The following GFPT1 variants were observed in gnomAD, a reference collection of about 807,000 sequenced individuals.
The protein encoded by GFPT1 is glutamine--fructose-6-phosphate aminotransferase [isomerizing] 1.
A neutral mutation model predicts 92.0 loss-of-function variants in GFPT1; 40 were observed. That is an observed-to-expected ratio of 0.43 (90% CI 0.34 to 0.57). The LOEUF (loss-of-function observed/expected upper bound fraction) is 0.57. Ranked by LOEUF, GFPT1 falls within the 20% of genes least tolerant of loss-of-function variation. The probability of loss-of-function intolerance (pLI) is 0.02; values close to 1 mark genes in which losing one functional copy is unlikely to be tolerated. For missense variants in GFPT1, 448 were observed against 869.1 expected (o/e 0.52, Z 6.09); for synonymous variants, 269 against 280.6 (o/e 0.96, Z 0.41).
chr2:69,335,216 C>G (rs944111508), intron 15 of GFPT1, among the ~76,000 whole-genome samples: 1 of 151,918 alleles, frequency 6.6e-6, no homozygotes, highest in African/African-American at 2.4e-5. Flanking sequence ...TCTGATGCCT[C>G]GGCTGGTCTT....
intron 15 of GFPT1, among the ~76,000 whole-genome samples, chr2:69,331,101 C>G (rs1670652512): frequency 6.6e-6 from 1 of 152,144 alleles, no homozygotes; most frequent in Non-Finnish European, 1.5e-5. Context: ...TTCTTACTAA[C>G]TTTATGTGAC....
chr2:69,331,894 T>C (rs972892875), intron 15 of GFPT1, among the ~76,000 whole-genome samples: 1 of 152,202 alleles, frequency 6.6e-6, no homozygotes, highest in Admixed American at 6.5e-5. Context: ...AAGGTAGTTA[T>C]TGTTATGTCT....
At chr2:69,384,629 G>GGCTGCAGTGAGCCAAGATCATGCC (rs1157340307) in intron 1 of GFPT1, among the ~76,000 whole-genome samples, 24 of 145,524 alleles carry the variant, frequency 1.6e-4, no homozygotes, top group African/African-American at 6.2e-4. Context: ...CGGAGACAGA[G>GGCTGCAGTGAGCCAAGATCATGCC]GCTGCAGTGA....
At chr2:69,379,349 C>A (rs1225382873) in intron 1 of GFPT1, among the ~76,000 whole-genome samples, 3 of 152,062 alleles carry the variant, frequency 2.0e-5, no homozygotes, top group Non-Finnish European at 4.4e-5. Context: ...TACAGGGAGA[C>A]CCTGCCTCTA....
chr2:69,325,168 C>T lies in GFPT1; in HGVS notation c.*1021G>A, dbSNP rs1384342348. ...TCTTCCAAACAATTGCAAGTAACTT[C>T]CAAACTGGCACTAAGGGACTAGTTT... On this transcript the variant is annotated 3_prime_UTR_variant, in exon 20 of 20. Transcript: ENST00000357308. 1 of 152,094 alleles carries T rather than the reference C, an allele frequency of 6.6e-6. No individual in the cohort carries two copies. Among genetic ancestry groups the T allele is most frequent in the African/African-American group, 2.4e-5 (1 of 41,424 alleles). The allele number at this position is 152,094 out of a possible 1,614,324, so 9.4% of individuals were successfully genotyped here.
chr2:69,377,163 G>A (rs1207443326), intron 1 of GFPT1, among the ~76,000 whole-genome samples: 3 of 138,294 alleles, frequency 2.2e-5, no homozygotes, highest in Admixed American at 7.7e-5. Context: ...AGCTGAGATC[G>A]TGCCACTGCA....
At chr2:69,368,754 T>G (rs888626781) in intron 3 of GFPT1, among the ~76,000 whole-genome samples, 26 of 151,320 alleles carry the variant, frequency 1.7e-4, no homozygotes, top group African/African-American at 6.1e-4. Flanking sequence ...AAAAAAAAAG[T>G]TGACCACGAA....
intron 3 of GFPT1, among the ~76,000 whole-genome samples, chr2:69,369,328 C>G (rs1399238801): frequency 6.6e-6 from 1 of 152,026 alleles, no homozygotes; most frequent in Non-Finnish European, 1.5e-5. Context: ...TGAGTAGGTA[C>G]ATAAAATACT....
intron 4 of GFPT1, among the ~76,000 whole-genome samples, chr2:69,359,779 A>AG (rs1671423359): frequency 6.6e-6 from 1 of 152,232 alleles, no homozygotes; most frequent in African/African-American, 2.4e-5. Context: ...AATCTGATTT[A>AG]CACTAAATGA....
At chr2:69,344,010 C>T (rs1467074494) in intron 12 of GFPT1, among the ~76,000 whole-genome samples, 1 of 152,052 alleles carries the variant, frequency 6.6e-6, no homozygotes, top group Non-Finnish European at 1.5e-5. Flanking sequence ...CAGGCCACAC[C>T]AGCCAGACTG....
At chr2:69,377,810 A>G (rs372138982) in intron 1 of GFPT1, among the ~76,000 whole-genome samples, 40 of 152,344 alleles carry the variant, frequency 2.6e-4, no homozygotes, top group African/African-American at 9.4e-4. Context: ...TACTAGCCCA[A>G]GACATTCCAC....
chr2:69,376,181 T>C (rs914231724), intron 1 of GFPT1, among the ~76,000 whole-genome samples: 1 of 152,224 alleles, frequency 6.6e-6, no homozygotes, highest in East Asian at 1.9e-4. Flanking sequence ...TAAAAGACAA[T>C]ACACAGCACA....
chr2:69,358,505 T>A, intron 5 of GFPT1, 42 bp from the exon 6 acceptor site: 2 of 1,387,628 alleles, frequency 1.4e-6, no homozygotes, highest in Non-Finnish European at 2.0e-6. Flanking sequence ...AAAGAAATAT[T>A]AATGATAAAA....
intron 17 of GFPT1, 94 bp downstream of exon 17, chr2:69,329,203 T>C: frequency 7.9e-7 from 1 of 1,265,906 alleles, no homozygotes; most frequent in Non-Finnish European, 1.2e-6. Context: ...CTTTCAAAAG[T>C]TCTACCTATT....
intron 1 of GFPT1, among the ~76,000 whole-genome samples, chr2:69,382,458 C>T (rs375774510): frequency 3.3e-5 from 5 of 152,182 alleles, no homozygotes; most frequent in African/African-American, 1.2e-4. Context: ...TTACTTGCAG[C>T]CCTCCTCCTA....
At chr2:69,366,660 A>AT (rs1671618615) in intron 3 of GFPT1, among the ~76,000 whole-genome samples, 1 of 152,158 alleles carries the variant, frequency 6.6e-6, no homozygotes, top group African/African-American at 2.4e-5. Flanking sequence ...CCTACCTGCA[A>AT]TCCCTCAATT....
Position 69,363,535 on chromosome 2 carries a change from C to T in GFPT1, c.349+10G>A. The T allele has an allele frequency of 6.2e-7, 1 of 1,613,828 alleles. No homozygotes were observed. The highest frequency in any genetic ancestry group is 8.5e-7 in the Non-Finnish European group (1 of 1,179,720). ...ACAATCATTCCAAAGCACAAAAAATCTTTCCATACCATTATTTTTATCAGA... is the reference window on the plus strand; with the variant it reads ...ACAATCATTCCAAAGCACAAAAAATTTTTCCATACCATTATTTTTATCAGA... On this transcript the variant is annotated intron_variant, in intron 4 of 19. Transcript: ENST00000357308.
chr2:69,336,602 T>G (rs13394893), intron 15 of GFPT1, among the ~76,000 whole-genome samples: 3,410 of 148,448 alleles, frequency 0.023, 137 homozygotes, highest in African/African-American at 0.079. Context: ...TCATAAAAAG[T>G]AACACATTGG....
In GFPT1 at chr2:69,333,056, TAACACTA is replaced by T. The variant is rs543370451; in HGVS notation, c.1483-3265_1483-3259del. 9.8e-5 allele frequency among the ~76,000 whole-genome samples: 15 copies of T among 152,290 alleles called. No individual in the cohort carries two copies. The East Asian group carries it at 2.7e-3, about 27-fold the overall frequency. Reference sequence around the variant, plus strand: ...ACCAGCAGACTGGAATCTTTTCCCATAACACTAAAGTGAATTTGGAGTCCTCTGCCTC... The same window carrying T: ...ACCAGCAGACTGGAATCTTTTCCCATAAGTGAATTTGGAGTCCTCTGCCTC... On this transcript the variant is annotated intron_variant, in intron 15 of 19. Coordinates refer to ENST00000357308, the MANE Select transcript of GFPT1 (RefSeq NM_001244710.2).
Sources: allele counts gnomAD v4.1 joint callset (sites outside exome capture counted in the v4.1 genomes callset), GRCh38; gene constraint gnomAD v4.1.1; transcripts MANE v1.5; gene names NCBI Gene and HGNC (gene_info 2026-07-23, HGNC 2026-07-21).